The following IL23R variants were observed in gnomAD, a reference collection of about 807,000 sequenced individuals.
IL23R encodes the protein interleukin-23 receptor.
A neutral mutation model predicts 56.9 loss-of-function variants in IL23R; 34 were observed. The observed-to-expected ratio is 0.60, with a 90% confidence interval of 0.45 to 0.80. The LOEUF (loss-of-function observed/expected upper bound fraction) is 0.80. Ranked by LOEUF, IL23R falls within the 30% of genes least tolerant of loss-of-function variation. The pLI is 0.00. For missense variants in IL23R, 635 were observed against 730.0 expected (o/e 0.87, Z 1.50); for synonymous variants, 230 against 249.2 (o/e 0.92, Z 0.73).
At position 67,206,884 on chromosome 1, in the gene IL23R, C is replaced by CTT. The variant is rs557919248; in HGVS notation, c.653-6_653-5dup. ...CTAGGCAAGTTTTAAACAGCCAGGT[C>CTT]TTTTTTTTTTTTTTTTTTTTTCTAG... On this transcript the variant is annotated intron_variant, in intron 5 of 10. Coordinates refer to ENST00000347310, the MANE Select transcript of IL23R (RefSeq NM_144701.3). 70,465 of 1,176,546 alleles carry CTT rather than the reference C, an allele frequency of 0.06. 418 individuals are homozygous for CTT. Among genetic ancestry groups the CTT allele is most frequent in the East Asian group, 0.11 (2,962 of 27,284 alleles). The allele number at this position is 1,176,546 out of a possible 1,614,324, so 72.9% of individuals were successfully genotyped here. A position where few individuals can be genotyped will look rare whatever the true frequency, so the allele number is the denominator to read the frequency against.
chr1:67,245,279 T>G (rs1652142283), intron 9 of IL23R, among the ~76,000 whole-genome samples: 1 of 152,176 alleles, frequency 6.6e-6, no homozygotes, highest in Non-Finnish European at 1.5e-5. Flanking sequence ...CATCCTCTTT[T>G]CCTAATTGAA....
intron 4 of IL23R, among the ~76,000 whole-genome samples, chr1:67,189,927 C>G (rs1463616534): frequency 6.6e-6 from 1 of 151,862 alleles, no homozygotes; most frequent in Non-Finnish European, 1.5e-5. Flanking sequence ...TTAGCCAGAC[C>G]CTGTCTCAAA....
intron 3 of IL23R, among the ~76,000 whole-genome samples, chr1:67,173,712 A>C (rs1379407604): frequency 1.3e-5 from 2 of 152,162 alleles, no homozygotes; most frequent in Non-Finnish European, 2.9e-5. Flanking sequence ...ATAGTTTTTT[A>C]ATTATAAAAT....
chr1:67,164,869 A>G (rs752093663), upstream of IL23R, among the ~76,000 whole-genome samples: 44 of 151,908 alleles, frequency 2.9e-4, no homozygotes, highest in Non-Finnish European at 6.3e-4. Flanking sequence ...CAATAAGTAT[A>G]TGAAGAGGTA....
chr1:67,164,003 A>G (rs1646847358), upstream of IL23R, among the ~76,000 whole-genome samples: 1 of 152,202 alleles, frequency 6.6e-6, no homozygotes, highest in Non-Finnish European at 1.5e-5. Flanking sequence ...CAAAAGCAAA[A>G]ATAAATAAGT....
chr1:67,187,845 C>A (rs61780309), intron 4 of IL23R, among the ~76,000 whole-genome samples: 4,341 of 152,220 alleles, frequency 0.029, 66 homozygotes, highest in Middle Eastern at 0.041. Context: ...GCAGATGGAT[C>A]ACTTGAGGTC....
At chr1:67,219,826 G>A in intron 7 of IL23R, 96 bp downstream of exon 7, 1 of 1,203,766 alleles carries the variant, frequency 8.3e-7, no homozygotes, top group Non-Finnish European at 1.2e-6. Flanking sequence ...AGCACTTTGA[G>A]AGGCCAAGGC....
intron 4 of IL23R, among the ~76,000 whole-genome samples, chr1:67,200,355 T>C (rs1301690322): frequency 6.6e-6 from 1 of 151,826 alleles, no homozygotes; most frequent in East Asian, 1.9e-4. Context: ...TTTAAAAAGG[T>C]AACATTTTAA....
At chr1:67,180,265 T>C (rs71616758) in intron 3 of IL23R, among the ~76,000 whole-genome samples, 1 of 152,322 alleles carries the variant, frequency 6.6e-6, no homozygotes, top group East Asian at 1.9e-4. Context: ...AGTCTCTTTG[T>C]AGGTCTCTAA....
intron 4 of IL23R, among the ~76,000 whole-genome samples, chr1:67,189,570 T>C (rs111332868): frequency 0.043 from 6,469 of 152,178 alleles, 463 homozygotes; most frequent in African/African-American, 0.15. Flanking sequence ...GACTAACTTA[T>C]AAATATAGAC....
chr1:67,233,195 CAAAA>C (rs34125353), intron 7 of IL23R, among the ~76,000 whole-genome samples: 20 of 53,636 alleles, frequency 3.7e-4, no homozygotes, highest in Non-Finnish European at 5.8e-4. Context: ...CTAAAAATTC[CAAAA>C]AAAAAAAAAA....
At chr1:67,161,469 G>A (rs1646819608), upstream of IL23R, among the ~76,000 whole-genome samples, 1 of 151,946 alleles carries the variant, frequency 6.6e-6, no homozygotes, top group South Asian at 2.1e-4. Context: ...ATAGCTTGTT[G>A]TATTTTTTTC....
chr1:67,250,256 T>G (rs1051327171), intron 9 of IL23R, among the ~76,000 whole-genome samples: 1 of 152,346 alleles, frequency 6.6e-6, no homozygotes, highest in East Asian at 1.9e-4. Context: ...CTTTCATGTA[T>G]CCTTTCATGA....
At chr1:67,149,629 G>A (rs1646710906) in intron 1 of IL23R, among the ~76,000 whole-genome samples, 2 of 152,066 alleles carry the variant, frequency 1.3e-5, no homozygotes, top group African/African-American at 4.8e-5. Flanking sequence ...CCCTGAGTGA[G>A]AACTAGATCC....
chr1:67,227,904 T>C (rs1650723667), intron 7 of IL23R, among the ~76,000 whole-genome samples: 1 of 152,182 alleles, frequency 6.6e-6, no homozygotes, highest in African/African-American at 2.4e-5. Context: ...TTCCATAATC[T>C]CCCTGAAGTT....
downstream of IL23R, among the ~76,000 whole-genome samples, chr1:67,260,202 G>A (rs111851113): frequency 2.0e-5 from 3 of 151,968 alleles, no homozygotes; most frequent in Non-Finnish European, 4.4e-5. Flanking sequence ...GACTAACAGC[G>A]CTGTGAAACA....
At chr1:67,209,612 A>C (rs1649320535) in intron 6 of IL23R, among the ~76,000 whole-genome samples, 1 of 152,104 alleles carries the variant, frequency 6.6e-6, no homozygotes, top group African/African-American at 2.4e-5. Flanking sequence ...CTCCAGCCAT[A>C]TGGAGCTATA....
intron 7 of IL23R, among the ~76,000 whole-genome samples, chr1:67,228,059 TTC>T (rs1427253127): frequency 2.5e-5 from 2 of 80,708 alleles, no homozygotes; most frequent in African/African-American, 6.1e-5. Context: ...CTTTCTTTCT[TTC>T]TCTGTCTCTC....
chr1:67,223,982 C>G (rs1030663382), intron 7 of IL23R, among the ~76,000 whole-genome samples: 2 of 151,608 alleles, frequency 1.3e-5, no homozygotes, highest in African/African-American at 2.4e-5. Flanking sequence ...TTTACCGAAT[C>G]TTTAATATTG....
Sources: gnomAD v4.1 joint callset for allele counts (sites outside exome capture counted in the v4.1 genomes callset) on GRCh38, gnomAD v4.1.1 for gene constraint, MANE v1.5 for transcripts, NCBI Gene and HGNC (gene_info 2026-07-23, HGNC 2026-07-21) for gene names.